FHIT: variants seen among roughly 807,000 people sequenced by gnomAD.
The protein encoded by FHIT is fragile histidine triad diadenosine triphosphatase.
In FHIT, 19 loss-of-function variants were observed where a neutral mutation model predicts 17.9. That is an observed-to-expected ratio of 1.06 (90% CI 0.74 to 1.56). FHIT has a LOEUF of 1.56. FHIT is among the 40% of genes most tolerant of loss of function. The pLI is 0.00. For missense variants in FHIT, 248 were observed against 189.2 expected (o/e 1.31, Z -1.82); for synonymous variants, 81 against 69.7 (o/e 1.16, Z -0.81).
intron 3 of FHIT, among the ~76,000 whole-genome samples, chr3:60,909,284 G>A (rs1259339561): frequency 2.7e-5 from 4 of 150,646 alleles, no homozygotes; most frequent in South Asian, 2.1e-4. Flanking sequence ...CAGGAGAATC[G>A]CTTGAACCCG....
intron 5 of FHIT, among the ~76,000 whole-genome samples, chr3:60,314,458 G>GA (rs751262936): frequency 1.3e-5 from 2 of 152,028 alleles, no homozygotes; most frequent in Admixed American, 6.6e-5. Flanking sequence ...AATAAAATAA[G>GA]AAAAAATCAT....
At chr3:60,034,020 C>A (rs1337273400) in intron 5 of FHIT, among the ~76,000 whole-genome samples, 1 of 152,182 alleles carries the variant, frequency 6.6e-6, no homozygotes, top group Non-Finnish European at 1.5e-5. Context: ...TTCAAGATAA[C>A]AATAACAGCA....
intron 3 of FHIT, among the ~76,000 whole-genome samples, chr3:61,036,916 TTG>T (rs199987161): frequency 0.038 from 5,263 of 139,900 alleles, 238 homozygotes; most frequent in East Asian, 0.1. Context: ...TTTTTTTTGT[TTG>T]TTTGTTTTTT....
intron 5 of FHIT, among the ~76,000 whole-genome samples, chr3:60,210,130 A>C (rs115033329): frequency 0.013 from 1,993 of 152,334 alleles, 22 homozygotes; most frequent in Middle Eastern, 0.017. Context: ...CTTTCCAAAA[A>C]GAGGTAAAAG....
intron 7 of FHIT, among the ~76,000 whole-genome samples, chr3:59,980,379 T>C (rs1708599721): frequency 6.6e-6 from 1 of 152,208 alleles, no homozygotes. Context: ...AAACTATGTA[T>C]CTATGTTCTT....
At chr3:61,243,091 G>A (rs761084229) in intron 1 of FHIT, among the ~76,000 whole-genome samples, 12 of 152,146 alleles carry the variant, frequency 7.9e-5, no homozygotes, top group Non-Finnish European at 1.5e-4. Context: ...AAGTTAGTCT[G>A]GCCTACGCAC....
intron 8 of FHIT, 76 bp from the exon 9 acceptor site, chr3:59,752,397 G>A: frequency 8.6e-7 from 1 of 1,161,254 alleles, no homozygotes; most frequent in East Asian, 2.5e-5. Flanking sequence ...GGGGGCTGGG[G>A]GAGACTGAAC....
At chr3:60,494,037 A>G (rs2034183842) in intron 5 of FHIT, among the ~76,000 whole-genome samples, 2 of 152,210 alleles carry the variant, frequency 1.3e-5, no homozygotes, top group African/African-American at 2.4e-5. Context: ...ATATACTCAA[A>G]TACATAAAGT....
rs1702072589 is a variant in FHIT at position 60,184,339 on chromosome 3, T to G, written c.104-170187A>C. On this transcript the variant is annotated intron_variant, in intron 5 of 9. Transcript: ENST00000492590. ...CCAGGACCCCATCCAAGATACCATA[T>G]TAACATAACTTATGTTGCTTAAGAC... is the stretch of plus-strand genomic sequence containing the variant. Among the ~76,000 whole-genome samples the G allele has an allele frequency of 2.0e-5, 3 of 152,158 alleles. 1 individual carries two copies. The highest frequency in any genetic ancestry group is 4.4e-5 in the Non-Finnish European group (3 of 68,040).
intron 7 of FHIT, among the ~76,000 whole-genome samples, chr3:59,983,738 C>A (rs1708758679): frequency 6.6e-6 from 1 of 152,058 alleles, no homozygotes; most frequent in African/African-American, 2.4e-5. Context: ...CCTCAGGAAG[C>A]TCCCAACCTA....
chr3:60,509,838 G>A (rs887711900), intron 5 of FHIT, among the ~76,000 whole-genome samples: 1 of 152,162 alleles, frequency 6.6e-6, no homozygotes, highest in Non-Finnish European at 1.5e-5. Context: ...CTAAGGAATA[G>A]GAAGAAAATA....
rs552823510 is a variant in FHIT at position 60,591,814 on chromosome 3, T to C, written c.-17-54835A>G. ...TTGACACACTCTAACTTAGGCTATT[T>C]GGAGGAGAATTGTCTGGCTCTACCT... On this transcript the variant is annotated intron_variant, in intron 4 of 9. Coordinates refer to ENST00000492590, the MANE Select transcript of FHIT (RefSeq NM_002012.4). 9.9e-5 allele frequency among the ~76,000 whole-genome samples: 15 copies of C among 152,186 alleles called. No individual in the cohort carries two copies. In the East Asian group the frequency reaches 1.2e-3, roughly 12 times the overall value.
intron 4 of FHIT, among the ~76,000 whole-genome samples, chr3:60,708,306 T>C (rs1011192457): frequency 2.6e-5 from 4 of 152,186 alleles, no homozygotes; most frequent in African/African-American, 7.2e-5. Flanking sequence ...CCAGAGAGCA[T>C]GTATGATTGA....
intron 5 of FHIT, among the ~76,000 whole-genome samples, chr3:60,252,100 T>C (rs1705741315): frequency 6.6e-6 from 1 of 152,214 alleles, no homozygotes; most frequent in South Asian, 2.1e-4. Context: ...TGACAAAATA[T>C]GATTGCAAGC....
intron 5 of FHIT, among the ~76,000 whole-genome samples, chr3:60,496,654 A>G (rs557027564): frequency 1.3e-5 from 2 of 152,274 alleles, no homozygotes; most frequent in African/African-American, 2.4e-5. Context: ...CTACAGAGAG[A>G]CTCACCAGTA....
intron 5 of FHIT, among the ~76,000 whole-genome samples, chr3:60,502,453 T>G (rs749796116): frequency 9.9e-5 from 15 of 152,270 alleles, no homozygotes; most frequent in East Asian, 3.9e-4. Context: ...GTCTCCTCAT[T>G]TGACATCTAA....
intron 8 of FHIT, among the ~76,000 whole-genome samples, chr3:59,753,023 C>CTAATTTTCTTATGTTTAAT (rs1244934038): frequency 6.6e-6 from 1 of 152,088 alleles, no homozygotes; most frequent in Admixed American, 6.5e-5. Context: ...TTATGTTTAA[C>CTAATTTTCTTATGTTTAAT]AGGCATCATT....
chr3:60,265,174 T>C (rs762388276), intron 5 of FHIT, among the ~76,000 whole-genome samples: 6 of 151,986 alleles, frequency 3.9e-5, no homozygotes, highest in African/African-American at 7.2e-5. Context: ...GTTTTCTTTA[T>C]ACCAAGTTTT....
At chr3:59,893,636 C>T (rs1703946893) in intron 8 of FHIT, among the ~76,000 whole-genome samples, 1 of 152,172 alleles carries the variant, frequency 6.6e-6, no homozygotes, top group Admixed American at 6.5e-5. Flanking sequence ...GAAAATAAAA[C>T]AAAGCAGCTG....
Sources: gnomAD v4.1 joint callset for allele counts (sites outside exome capture counted in the v4.1 genomes callset) on GRCh38, gnomAD v4.1.1 for gene constraint, MANE v1.5 for transcripts, NCBI Gene and HGNC (gene_info 2026-07-23, HGNC 2026-07-21) for gene names.